The following PTPRK variants were observed in gnomAD, a reference collection of about 807,000 sequenced individuals.
The protein encoded by PTPRK is receptor-type tyrosine-protein phosphatase kappa.
A neutral mutation model predicts 178.0 loss-of-function variants in PTPRK; 75 were observed. That is an observed-to-expected ratio of 0.42 (90% CI 0.35 to 0.51). The LOEUF is 0.51. Among genes scored for constraint, PTPRK ranks in the 20% least tolerant of loss-of-function variants. PTPRK has a pLI of 0.02. For synonymous variants in PTPRK, 637 were observed against 620.6 expected, an observed-to-expected ratio of 1.03 and a Z score of -0.39; for missense variants, 1,441 against 1,797.8, an observed-to-expected ratio of 0.80 and a Z score of 3.59.
intron 7 of PTPRK, among the ~76,000 whole-genome samples, chr6:128,139,896 T>TC (rs368395473): frequency 6.6e-6 from 1 of 151,686 alleles, no homozygotes; most frequent in Admixed American, 6.6e-5. Context: ...CATTTTTTTT[T>TC]AATCCAAATC....
chr6:128,191,502 A>G (rs999663990), intron 6 of PTPRK, among the ~76,000 whole-genome samples: 11 of 151,958 alleles, frequency 7.2e-5, no homozygotes, highest in Non-Finnish European at 1.2e-4. Flanking sequence ...TACTATAACT[A>G]TAATATAGGT....
chr6:128,006,110 G>C, intron 14 of PTPRK: 5 of 1,343,988 alleles, frequency 3.7e-6, no homozygotes, highest in Non-Finnish European at 5.2e-6. Flanking sequence ...AATGAAAAGC[G>C]TGACTCTGTC....
chr6:128,519,688 G>C lies in PTPRK; in HGVS notation c.100+571C>G, dbSNP rs1858705429. 6.6e-6 allele frequency among the ~76,000 whole-genome samples: 1 copy of C among 152,204 alleles called. No homozygotes were observed. Among genetic ancestry groups the C allele is most frequent in the Non-Finnish European group, 1.5e-5 (1 of 68,046 alleles). On this transcript the variant is annotated intron_variant, in intron 1 of 29. Coordinates refer to ENST00000368226, the MANE Select transcript of PTPRK (RefSeq NM_002844.4). The surrounding 1 kb of genome is among the most constrained non-coding windows in gnomAD (Gnocchi z 4.3). ...AACATGCTCCAAGCAGTGCCCGAGCGCACAGGGCAAGCCCGGGAGCAACCC... is the reference window on the plus strand; with the variant it reads ...AACATGCTCCAAGCAGTGCCCGAGCCCACAGGGCAAGCCCGGGAGCAACCC...
chr6:128,476,830 T>G (rs1373422941), intron 1 of PTPRK, among the ~76,000 whole-genome samples: 1 of 151,864 alleles, frequency 6.6e-6, no homozygotes, highest in Non-Finnish European at 1.5e-5. Context: ...TATGTGATAT[T>G]AAGGTCTAGA....
At chr6:128,058,331 T>C (rs952528137) in intron 13 of PTPRK, among the ~76,000 whole-genome samples, 4 of 152,202 alleles carry the variant, frequency 2.6e-5, no homozygotes, top group African/African-American at 9.6e-5. Flanking sequence ...TGGTATTTTC[T>C]ACACTTTTTC....
intron 2 of PTPRK, among the ~76,000 whole-genome samples, chr6:128,367,101 T>C (rs1446526623): frequency 6.6e-6 from 1 of 152,180 alleles, no homozygotes; most frequent in Non-Finnish European, 1.5e-5. Context: ...TCTTTAAGGA[T>C]GTAAACTCCA....
At chr6:128,079,980 C>G (rs1784524706) in intron 10 of PTPRK, among the ~76,000 whole-genome samples, 1 of 148,460 alleles carries the variant, frequency 6.7e-6, no homozygotes, top group Non-Finnish European at 1.5e-5. Flanking sequence ...ATGTTTATTT[C>G]TAGACAGTTC....
intron 7 of PTPRK, among the ~76,000 whole-genome samples, chr6:128,117,331 T>C (rs1033677210): frequency 6.6e-6 from 1 of 152,088 alleles, no homozygotes; most frequent in African/African-American, 2.4e-5. Context: ...CCTATGTTAG[T>C]GTTAGAGAGA....
chr6:128,106,517 C>G (rs1443571828), intron 7 of PTPRK, among the ~76,000 whole-genome samples: 1 of 151,296 alleles, frequency 6.6e-6, no homozygotes, highest in Non-Finnish European at 1.5e-5. Context: ...GGAAAAACAA[C>G]TAACTTGAAA....
chr6:128,300,274 G>A (rs1825344749), intron 3 of PTPRK, among the ~76,000 whole-genome samples: 1 of 151,964 alleles, frequency 6.6e-6, no homozygotes, highest in Admixed American at 6.6e-5. Flanking sequence ...ACTCTTGGTG[G>A]GACTGTAAAC....
intron 1 of PTPRK, among the ~76,000 whole-genome samples, chr6:128,444,472 T>G (rs1300266258): frequency 6.6e-6 from 1 of 152,184 alleles, no homozygotes; most frequent in African/African-American, 2.4e-5. Context: ...AAATCCCCAC[T>G]TGTCCATGCT....
intron 1 of PTPRK, among the ~76,000 whole-genome samples, chr6:128,493,917 T>C (rs1854278355): frequency 6.6e-6 from 1 of 152,202 alleles, no homozygotes; most frequent in South Asian, 2.1e-4. Flanking sequence ...AGTTATAACA[T>C]TTATCTACAT....
chr6:128,111,185 T>C (rs573411626), intron 7 of PTPRK, among the ~76,000 whole-genome samples: 46 of 152,322 alleles, frequency 3.0e-4, no homozygotes, highest in African/African-American at 1.1e-3. Context: ...CCAAAGACCA[T>C]GTAAAAATCT....
chr6:128,022,390 T>A (rs955576898), intron 13 of PTPRK, among the ~76,000 whole-genome samples: 1 of 152,200 alleles, frequency 6.6e-6, no homozygotes, highest in Non-Finnish European at 1.5e-5. Context: ...CTTACGTTTC[T>A]TCTCTTAAAA....
At chr6:128,245,058 G>C (rs1815203739) in intron 3 of PTPRK, among the ~76,000 whole-genome samples, 1 of 152,092 alleles carries the variant, frequency 6.6e-6, no homozygotes, top group Admixed American at 6.6e-5. Flanking sequence ...AAAGTAGACT[G>C]TCCCAAGCTA....
chr6:128,147,636 T>C (rs573784335), intron 7 of PTPRK, among the ~76,000 whole-genome samples: 86 of 152,288 alleles, frequency 5.6e-4, no homozygotes, highest in African/African-American at 1.9e-3. Context: ...CAGCATGTCA[T>C]TGATGTGAGG....
In PTPRK at chr6:128,041,457, A is replaced by G. The variant is rs751550433; in HGVS notation, c.2194+23301T>C. Among the ~76,000 whole-genome samples the G allele has an allele frequency of 8.5e-5, 13 of 152,214 alleles. No individual in the cohort carries two copies. In the South Asian group the frequency reaches 2.7e-3, roughly 32 times the overall value. ...GGCAATAGTCATAAACCAATGCTCT[A>G]TAACACTCTGCAAATGTGCTTCAAT... On this transcript the variant is annotated intron_variant, in intron 13 of 29. Coordinates refer to ENST00000368226, the MANE Select transcript of PTPRK (RefSeq NM_002844.4).
At chr6:128,221,535 A>T (rs189807897) in intron 5 of PTPRK, among the ~76,000 whole-genome samples, 6,786 of 150,036 alleles carry the variant, frequency 0.045, 288 homozygotes, top group African/African-American at 0.11. Context: ...AAAAAAAAAA[A>T]AATAATAATA....
intron 3 of PTPRK, among the ~76,000 whole-genome samples, chr6:128,318,274 T>C (rs972547271): frequency 6.6e-6 from 1 of 152,170 alleles, no homozygotes; most frequent in African/African-American, 2.4e-5. Context: ...GTCACTTGGT[T>C]TAAGCCCCAA....
Sources: gnomAD v4.1 joint callset for allele counts (sites outside exome capture counted in the v4.1 genomes callset) on GRCh38, gnomAD v4.1.1 for gene constraint, Gnocchi (gnomAD v3.1) non-coding constraint, MANE v1.5 for transcripts, NCBI Gene and HGNC (gene_info 2026-07-23, HGNC 2026-07-21) for gene names.